The following NBEA variants were observed in gnomAD, a reference collection of about 807,000 sequenced individuals.
The protein encoded by NBEA is lysosomal-trafficking regulator 2.
A neutral mutation model predicts 343.4 loss-of-function variants in NBEA; 44 were observed. The ratio of observed to expected loss-of-function variants is 0.13; its 90% CI spans 0.10 to 0.16. The LOEUF (loss-of-function observed/expected upper bound fraction) is 0.16. Ranked by LOEUF, NBEA falls within the 10% of genes least tolerant of loss-of-function variation. The pLI, the probability that NBEA is intolerant of heterozygous loss-of-function variation, is 1.00. For missense variants in NBEA, 2,555 were observed against 3,631.3 expected, an observed-to-expected ratio of 0.70 and a Z score of 7.62; for synonymous variants, 1,175 against 1,238.7, an observed-to-expected ratio of 0.95 and a Z score of 1.08.
At chr13:34,958,238 G>A (rs182498498) in intron 1 of NBEA, among the ~76,000 whole-genome samples, 111 of 152,104 alleles carry the variant, frequency 7.3e-4, no homozygotes, top group African/African-American at 2.3e-3. Context: ...TTCTAACTGA[G>A]GTAAGTCAGT....
intron 55 of NBEA, among the ~76,000 whole-genome samples, chr13:35,658,898 G>A (rs2084940613): frequency 6.6e-6 from 1 of 152,040 alleles, no homozygotes; most frequent in African/African-American, 2.4e-5. Context: ...CTTTTTTCAG[G>A]CAGTCACAGC....
chr13:35,369,375 T>C (rs565445914), intron 38 of NBEA, among the ~76,000 whole-genome samples: 1 of 152,002 alleles, frequency 6.6e-6, no homozygotes, highest in East Asian at 1.9e-4. Flanking sequence ...TTCAAGCTCT[T>C]TTAGGGTTCC....
At chr13:35,415,996 A>G (rs2043883168) in intron 38 of NBEA, among the ~76,000 whole-genome samples, 1 of 152,118 alleles carries the variant, frequency 6.6e-6, no homozygotes, top group South Asian at 2.1e-4. Context: ...CTTTGAAGCA[A>G]TTGTGAATGG....
intron 41 of NBEA, among the ~76,000 whole-genome samples, chr13:35,498,816 C>T (rs1017831047): frequency 1.3e-5 from 2 of 151,968 alleles, no homozygotes; most frequent in Admixed American, 1.3e-4. Context: ...CTAAATGCTC[C>T]ATTAATTTTT....
In NBEA at chr13:35,452,139, G is replaced by A. The variant is rs1344566712; in HGVS notation, c.6352G>A (p.Ala2118Thr). The change falls in exon 40 of 59, where the codon GCA becomes ACA. Residue 2118 changes from alanine to threonine, a missense_variant. This residue lies in a region of NBEA where 246 missense variants were observed against 313.7 expected (regional missense o/e 0.78). Transcript: ENST00000379939. The part of the protein sequence containing the change: ...VKSKKTFRSQ[A>T]IVNQNAETEL... ...GTCAAAGAAAACATTCAGAAGTCAAGCAATAGTGAACCAAAATGCAGAGAC... is the reference window on the plus strand; with the variant it reads ...GTCAAAGAAAACATTCAGAAGTCAAACAATAGTGAACCAAAATGCAGAGAC... The A allele has an allele frequency of 2.5e-6, 4 of 1,612,518 alleles. No homozygotes were observed. The highest frequency in any genetic ancestry group is 4.5e-5 in the East Asian group (2 of 44,824).
intron 46 of NBEA, chr13:35,593,065 T>C (rs2081609972): frequency 3.0e-6 from 1 of 336,862 alleles, no homozygotes; most frequent in African/African-American, 2.1e-5. Context: ...TATCAGAAAA[T>C]CGTAGAGCAC....
At position 34,984,454 on chromosome 13, in the gene NBEA, G is replaced by C. The variant is rs547095006; in HGVS notation, c.294+41340G>C. Among the ~76,000 whole-genome samples, 10 of 152,264 alleles carry C rather than the reference G, an allele frequency of 6.6e-5. No homozygotes were observed. The East Asian group carries it at 1.9e-3, about 29-fold the overall frequency. ...GCTGTTTTGGTTACTGTGCCATGTAGTATAGTTTGAAGTCACTTAGTGTGA... is the reference window on the plus strand; with the variant it reads ...GCTGTTTTGGTTACTGTGCCATGTACTATAGTTTGAAGTCACTTAGTGTGA... On this transcript the variant is annotated intron_variant, in intron 1 of 58. Coordinates refer to ENST00000379939, the MANE Select transcript of NBEA (RefSeq NM_001385012.1).
At chr13:35,457,852 C>T (rs2046669349) in intron 40 of NBEA, among the ~76,000 whole-genome samples, 1 of 151,200 alleles carries the variant, frequency 6.6e-6, no homozygotes, top group African/African-American at 2.4e-5. Flanking sequence ...CGTGATCCGC[C>T]CACCTTGGCT....
intron 37 of NBEA, among the ~76,000 whole-genome samples, chr13:35,350,727 G>GGT (rs1252331869): frequency 2.9e-3 from 321 of 110,978 alleles, no homozygotes; most frequent in Non-Finnish European, 4.8e-3. Context: ...TAGAGCTATT[G>GGT]ATGTGTGTGT....
At chr13:35,651,163 T>C (rs557950962) in intron 52 of NBEA, among the ~76,000 whole-genome samples, 1 of 152,344 alleles carries the variant, frequency 6.6e-6, no homozygotes, top group South Asian at 2.1e-4. Context: ...GTATATATTG[T>C]ATAATCACGT....
intron 33 of NBEA, among the ~76,000 whole-genome samples, chr13:35,212,582 T>C (rs1259861093): frequency 6.6e-6 from 1 of 152,142 alleles, no homozygotes; most frequent in East Asian, 1.9e-4. Context: ...TGTTTGTATA[T>C]GTTCAGTTTT....
In NBEA at chr13:35,352,256, C is replaced by G; in HGVS notation, c.6112C>G (p.Gln2038Glu). 1 of 1,559,608 alleles carries G rather than the reference C, an allele frequency of 6.4e-7. No homozygotes were observed. The highest frequency in any genetic ancestry group is 8.7e-7 in the Non-Finnish European group (1 of 1,148,758). ...AKHRDHVTANQLKQKILNILT... is the reference protein window; with the variant it reads ...AKHRDHVTANELKQKILNILT... The stretch of plus-strand genomic sequence containing the variant: ...ACATCGAGATCATGTAACAGCAAAT[C>G]AGCTGAAACAGAAGATTCTCAATAT... Residue 2038 changes from glutamine to glutamate, a missense_variant, in exon 38 of 59, where the codon CAG becomes GAG. Around this residue, in one of 21 missense-constraint regions of NBEA, gnomAD observed 246 missense variants for 313.7 expected, o/e 0.78. Transcript: ENST00000379939.
intron 38 of NBEA, among the ~76,000 whole-genome samples, chr13:35,394,512 C>A (rs1005630640): frequency 6.6e-6 from 1 of 152,014 alleles, no homozygotes; most frequent in Admixed American, 6.6e-5. Context: ...GGTTCAATTT[C>A]GATTTACCCA....
intron 1 of NBEA, among the ~76,000 whole-genome samples, chr13:34,954,665 CTCAAG>C (rs1266944989): frequency 1.3e-5 from 2 of 152,118 alleles, no homozygotes; most frequent in Admixed American, 6.5e-5. Context: ...TCCATGGATG[CTCAAG>C]TCGTTTGTAT....
At chr13:35,654,706 T>C (rs760762139) in intron 53 of NBEA, 149 bp from the exon 54 acceptor site, 5 of 553,898 alleles carry the variant, frequency 9.0e-6, no homozygotes, top group Non-Finnish European at 1.5e-5. Context: ...GAAATTTATA[T>C]TCCTCAAGGG....
At chr13:35,085,088 T>A (rs1055116812) in intron 10 of NBEA, among the ~76,000 whole-genome samples, 23 of 152,116 alleles carry the variant, frequency 1.5e-4, no homozygotes, top group Non-Finnish European at 2.9e-4. Context: ...GAGGCAATAA[T>A]TAATAGCTTA....
intron 34 of NBEA, among the ~76,000 whole-genome samples, chr13:35,274,370 A>C (rs2152806583): frequency 6.6e-6 from 1 of 152,320 alleles, no homozygotes; most frequent in South Asian, 2.1e-4. Context: ...ATCTCAAAAT[A>C]ATAAGAGCTA....
At chr13:35,162,076 C>A in intron 23 of NBEA, 109 bp downstream of exon 23, 1 of 832,004 alleles carries the variant, frequency 1.2e-6, no homozygotes, top group South Asian at 1.9e-5. Flanking sequence ...AAAGGAATTT[C>A]CACATTTTTC....
rs757507240 is a variant in NBEA at position 35,649,612 on chromosome 13, T to A, written c.7771-43T>A. 2.7e-6 allele frequency: 4 copies of A among 1,506,442 alleles called. No homozygotes were observed. The African/African-American group carries it at 4.1e-5, about 16-fold the overall frequency. The allele number at this position is 1,506,442 out of a possible 1,614,324, so 93.3% of individuals were successfully genotyped here. A position where few individuals can be genotyped will look rare whatever the true frequency, so the allele number is the denominator to read the frequency against. Reference sequence around the variant, plus strand: ...CCTAGACCTTTCACTAACTATGTTATTCCTTTTGTCTTCCTCTGTTCTCTT... The same window carrying A: ...CCTAGACCTTTCACTAACTATGTTAATCCTTTTGTCTTCCTCTGTTCTCTT... On this transcript the variant is annotated intron_variant, in intron 51 of 58. Transcript: ENST00000379939.
Sources: allele counts gnomAD v4.1 joint callset (sites outside exome capture counted in the v4.1 genomes callset), GRCh38; gene constraint gnomAD v4.1.1; regional missense constraint gnomAD v4.1.1; transcripts MANE v1.5; gene names NCBI Gene and HGNC (gene_info 2026-07-23, HGNC 2026-07-21).